Variants in PTPRT observed in about 807,000 individuals in gnomAD.
PTPRT encodes receptor-type tyrosine-protein phosphatase T.
A neutral mutation model predicts 176.8 loss-of-function variants in PTPRT; 56 were observed. That is an observed-to-expected ratio of 0.32 (90% CI 0.26 to 0.40). PTPRT has a LOEUF of 0.40. Ranked by LOEUF, PTPRT falls within the 10% of genes least tolerant of loss-of-function variation. The pLI, the probability that PTPRT is intolerant of heterozygous loss-of-function variation, is 1.00. For missense variants in PTPRT, 1,540 were observed against 1,908.2 expected (o/e 0.81, Z 3.60); for synonymous variants, 783 against 739.0 (o/e 1.06, Z -0.96).
chr20:42,068,430 C>T (rs1982170636), downstream of PTPRT, among the ~76,000 whole-genome samples: 1 of 152,208 alleles, frequency 6.6e-6, no homozygotes, highest in Non-Finnish European at 1.5e-5. Context: ...CTTCCTCTCT[C>T]TGGGGTGCTT....
At chr20:42,718,308 C>T (rs1021426042) in intron 6 of PTPRT, among the ~76,000 whole-genome samples, 5 of 152,078 alleles carry the variant, frequency 3.3e-5, no homozygotes, top group African/African-American at 9.7e-5. Flanking sequence ...GAGGCCGAGG[C>T]GGGTGGATCA....
intron 24 of PTPRT, among the ~76,000 whole-genome samples, chr20:42,106,445 T>C (rs1417269377): frequency 6.6e-6 from 1 of 152,208 alleles, no homozygotes; most frequent in Non-Finnish European, 1.5e-5. Flanking sequence ...CCAGTCCTTC[T>C]CTTTCCTTCT....
rs576378155 is a variant in PTPRT, at chr20:42,998,338, T to A, written c.89-112406A>T. 2.8e-3 allele frequency among the ~76,000 whole-genome samples: 422 copies of A among 152,312 alleles called. 1 individual carries two copies. Among genetic ancestry groups the A allele is most frequent in the African/African-American group, 9.7e-3 (405 of 41,578 alleles). On this transcript the variant is annotated intron_variant, in intron 1 of 30. Transcript: ENST00000373187. ...GGAACCTGCATCAGCATCAAAACCT[T>A]TCTTAATATGATTCTGCGGTAAGCT...
At chr20:43,156,262 A>G (rs1405243802) in intron 1 of PTPRT, among the ~76,000 whole-genome samples, 3 of 152,242 alleles carry the variant, frequency 2.0e-5, no homozygotes, top group Non-Finnish European at 4.4e-5. Flanking sequence ...AGGCTTGTCC[A>G]TAACAGAACC....
downstream of PTPRT, among the ~76,000 whole-genome samples, chr20:42,067,784 G>A (rs1022788392): frequency 2.6e-5 from 4 of 152,258 alleles, no homozygotes; most frequent in African/African-American, 9.6e-5. Context: ...CCCTCTATGG[G>A]TGTTGGCAGA....
chr20:42,552,841 C>T (rs895420183), intron 7 of PTPRT, among the ~76,000 whole-genome samples: 3 of 152,106 alleles, frequency 2.0e-5, no homozygotes, highest in South Asian at 2.1e-4. Flanking sequence ...GCATGAACAA[C>T]AGTTCCACTT....
intron 27 of PTPRT, 30 bp from the exon 28 acceptor site, chr20:42,085,883 G>A: frequency 1.3e-6 from 2 of 1,589,304 alleles, no homozygotes; most frequent in African/African-American, 1.3e-5. Context: ...CACAGAAGGA[G>A]CTCAAAGGCA....
At chr20:42,915,859 C>A (rs1288044803) in intron 1 of PTPRT, among the ~76,000 whole-genome samples, 1 of 151,860 alleles carries the variant, frequency 6.6e-6, no homozygotes, top group African/African-American at 2.4e-5. Flanking sequence ...TCAGTCTCCC[C>A]GAGAGTTCTG....
intron 16 of PTPRT, among the ~76,000 whole-genome samples, chr20:42,182,799 T>C (rs1479986773): frequency 1.3e-5 from 2 of 152,072 alleles, no homozygotes; most frequent in Admixed American, 1.3e-4. Context: ...GGCTTAAAAA[T>C]GGTTTCAAGA....
In PTPRT at chr20:42,979,574, GA is replaced by G. The variant is rs964773127; in HGVS notation, c.89-93643del. 3.7e-4 allele frequency among the ~76,000 whole-genome samples: 55 copies of G among 149,770 alleles called. 1 individual carries two copies. The highest frequency in any genetic ancestry group is 1.3e-3 in the African/African-American group (51 of 40,748). ...AACAACTGAAATATCCTTAAGGTTT[GA>G]AAAAAAAAGGAGAAGTAAATCTATC... On this transcript the variant is annotated intron_variant, in intron 1 of 30. Transcript: ENST00000373187.
chr20:42,644,041 A>C (rs2074827546), intron 7 of PTPRT, among the ~76,000 whole-genome samples: 1 of 152,138 alleles, frequency 6.6e-6, no homozygotes, highest in African/African-American at 2.4e-5. Flanking sequence ...CTTAAAATCC[A>C]GGCTGTGTGA....
At chr20:42,523,733 A>T (rs1310555208) in intron 7 of PTPRT, among the ~76,000 whole-genome samples, 3 of 152,148 alleles carry the variant, frequency 2.0e-5, no homozygotes, top group Non-Finnish European at 2.9e-5. Context: ...TTTTTACTTC[A>T]TGTTTAAATT....
rs574578406 is a variant in PTPRT at position 42,291,225 on chromosome 20, T to G, written c.2140-8700A>C. Among the ~76,000 whole-genome samples the G allele has an allele frequency of 2.0e-5, 3 of 152,260 alleles. No individual in the cohort carries two copies. In the South Asian group the frequency reaches 6.2e-4, roughly 32 times the overall value. On this transcript the variant is annotated intron_variant, in intron 12 of 30. Coordinates refer to ENST00000373187, the MANE Select transcript of PTPRT (RefSeq NM_007050.6). Reference sequence around the variant, plus strand: ...TTGTTCATGTACTCATTTGGTCAACTGCTCAACAGATATTTATTGAATGAT... The same window carrying G: ...TTGTTCATGTACTCATTTGGTCAACGGCTCAACAGATATTTATTGAATGAT...
At chr20:42,309,460 G>GA (rs1333395152) in intron 12 of PTPRT, among the ~76,000 whole-genome samples, 2 of 151,948 alleles carry the variant, frequency 1.3e-5, no homozygotes, top group Admixed American at 1.3e-4. Context: ...GACATCTGGG[G>GA]AAAAAAATCT....
chr20:43,154,522 A>C (rs1351646861), intron 1 of PTPRT, among the ~76,000 whole-genome samples: 1 of 152,192 alleles, frequency 6.6e-6, no homozygotes, highest in Non-Finnish European at 1.5e-5. Flanking sequence ...GATTCCAAAC[A>C]AATTTTAGGA....
intron 11 of PTPRT, among the ~76,000 whole-genome samples, chr20:42,338,047 A>G (rs1360672359): frequency 6.6e-6 from 1 of 152,184 alleles, no homozygotes; most frequent in African/African-American, 2.4e-5. Context: ...CCTGGAGCCT[A>G]TGGGCTGAGG....
At chr20:42,836,596 T>C (rs2078185252) in intron 2 of PTPRT, among the ~76,000 whole-genome samples, 2 of 152,118 alleles carry the variant, frequency 1.3e-5, no homozygotes, top group South Asian at 4.1e-4. Flanking sequence ...TTTCTAGAGC[T>C]GCAAGTCAGA....
At chr20:42,890,280 T>A (rs1470127100) in intron 1 of PTPRT, among the ~76,000 whole-genome samples, 1 of 152,164 alleles carries the variant, frequency 6.6e-6, no homozygotes, top group Non-Finnish European at 1.5e-5. Flanking sequence ...GGGAGATTTT[T>A]AGGCAACTTT....
intron 27 of PTPRT, among the ~76,000 whole-genome samples, chr20:42,093,880 GT>G (rs1984911857): frequency 6.6e-6 from 1 of 152,252 alleles, no homozygotes; most frequent in Non-Finnish European, 1.5e-5. Context: ...AGCTGCTGCG[GT>G]GATGATATTT....
Sources: allele counts gnomAD v4.1 joint callset (sites outside exome capture counted in the v4.1 genomes callset), GRCh38; gene constraint gnomAD v4.1.1; transcripts MANE v1.5; gene names NCBI Gene and HGNC (gene_info 2026-07-23, HGNC 2026-07-21).